Variants in E2F4 observed in about 807,000 individuals in gnomAD.
E2F4 encodes the protein E2F transcription factor 4, also known as transcription factor E2F4.
In E2F4, 16 loss-of-function variants were observed where a neutral mutation model predicts 44.5. The ratio of observed to expected loss-of-function variants is 0.36; its 90% confidence interval spans 0.24 to 0.55. The LOEUF is 0.55. Among genes scored for constraint, E2F4 ranks in the 20% least tolerant of loss-of-function variants. The probability of loss-of-function intolerance (pLI) is 0.87; values close to 1 mark genes in which losing one functional copy is unlikely to be tolerated. For missense variants in E2F4, 473 were observed against 522.1 expected, an observed-to-expected ratio of 0.91 and a Z score of 0.92; for synonymous variants, 242 against 207.2, an observed-to-expected ratio of 1.17 and a Z score of -1.44.
intron 7 of E2F4, among the ~76,000 whole-genome samples, chr16:67,196,732 C>T (rs1454866546): frequency 2.0e-5 from 3 of 152,326 alleles, no homozygotes; most frequent in East Asian, 1.9e-4. Flanking sequence ...CCTGCATGTC[C>T]TCAACTGAAC....
At chr16:67,193,570 G>A in intron 4 of E2F4, 55 bp downstream of exon 4, 2 of 1,581,608 alleles carry the variant, frequency 1.3e-6, no homozygotes, top group South Asian at 2.2e-5. Context: ...CCAAAGTCCT[G>A]AGCACTGGGC....
At chr16:67,195,646 G>A in intron 6 of E2F4, 136 bp from the exon 7 acceptor site, 1 of 1,501,192 alleles carries the variant, frequency 6.7e-7, no homozygotes, top group Non-Finnish European at 8.9e-7. Context: ...TTCCTCTGGG[G>A]GTGACTGGCA....
At position 67,195,764 on chromosome 16, in the gene E2F4, T is replaced by C; in HGVS notation, c.809-18T>C. 1.9e-6 allele frequency: 3 copies of C among 1,613,964 alleles called. No individual in the cohort carries two copies. The highest frequency in any genetic ancestry group is 2.5e-6 in the Non-Finnish European group (3 of 1,179,908). On this transcript the variant is annotated intron_variant, in intron 6 of 9. Transcript: ENST00000379378. ...CTTCCTGACCTTGTATGACTGGGTT[T>C]GGGGGCTATCATTGTAGTGAGTGGC...
chr16:67,198,383 G>C lies in E2F4; in HGVS notation c.*260G>C, dbSNP rs954084569. Reference sequence around the variant, plus strand: ...TTCTCCCTTTCTGCGGCCTTCGCCAGCCCAGGCTCGGCTGCCACCCAGTGG... The same window carrying C: ...TTCTCCCTTTCTGCGGCCTTCGCCACCCCAGGCTCGGCTGCCACCCAGTGG... On this transcript the variant is annotated 3_prime_UTR_variant, in exon 10 of 10. Coordinates refer to ENST00000379378, the MANE Select transcript of E2F4 (RefSeq NM_001950.4). 4.2e-6 allele frequency: 2 copies of C among 470,816 alleles called. No homozygotes were observed. Among genetic ancestry groups the C allele is most frequent in the African/African-American group, 3.9e-5 (2 of 51,024 alleles). 29.2% of individuals were successfully genotyped at this position (470,816 alleles called of 1,614,324 possible).
chr16:67,195,383 C>T (rs1474819698), intron 6 of E2F4, among the ~76,000 whole-genome samples: 4 of 152,170 alleles, frequency 2.6e-5, no homozygotes, highest in East Asian at 3.9e-4. Flanking sequence ...CTGCCTGCCT[C>T]GGCCTCCTGT....
At position 67,194,684 on chromosome 16, in the gene E2F4, A is replaced by G. The variant is rs1449597757; in HGVS notation, c.514-2A>G. 2 of 1,609,794 alleles carry G rather than the reference A, an allele frequency of 1.2e-6. No homozygotes were observed. The highest frequency in any genetic ancestry group is 1.3e-5 in the African/African-American group (1 of 74,840). The stretch of plus-strand genomic sequence containing the variant: ...CTCCCATCCCTTACCACCCATCTCT[A>G]GGGTCTCAATGGGCAGAAGAAGTAC... On this transcript the variant is annotated splice_acceptor_variant, in intron 5 of 9. Transcript: ENST00000379378. LOFTEE classifies it high-confidence loss of function.
chr16:67,193,112 C>A lies in E2F4; in HGVS notation c.349C>A (p.His117Asn). The A allele has an allele frequency of 6.4e-7, 1 of 1,574,406 alleles. No individual in the cohort carries two copies. The highest frequency in any genetic ancestry group is 8.6e-7 in the Non-Finnish European group (1 of 1,159,616). The change falls in exon 3 of 10, where the codon CAC (histidine) becomes AAC (asparagine). Residue 117 changes from histidine (H) to asparagine (N), a missense_variant. Physicochemically the swap from His to Asn is moderately conservative, Grantham distance 68. Transcript: ENST00000379378. ...LQQREQELDQ[H>N]KVWVQQSIRN... Reference sequence around the variant, plus strand: ...GCAGCGGGAGCAAGAACTAGACCAGCACAAGGTGTGGGTGCAGCAGAGCAT... The same window carrying A: ...GCAGCGGGAGCAAGAACTAGACCAGAACAAGGTGTGGGTGCAGCAGAGCAT...
In E2F4 at chr16:67,194,960, G is replaced by C; in HGVS notation, c.788G>C (p.Gly263Ala). 6.2e-7 allele frequency: 1 copy of C among 1,613,722 alleles called. No homozygotes were observed. ...AGTGCAGAAGTCCAGGGAATGGCTG[G>C]CCCAGCAGCTGAGATCACAGGTGAG... is the stretch of plus-strand genomic sequence containing the variant. ...PGSAEVQGMAGPAAEITVSGG... is the reference protein window; with the variant it reads ...PGSAEVQGMAAPAAEITVSGG... The change falls in exon 6 of 10, where the codon GGC (glycine) becomes GCC (alanine). Residue 263 changes from glycine to alanine, a missense_variant. Around this residue, in one of 3 missense-constraint regions of E2F4, gnomAD observed 314 missense variants for 315.6 expected, o/e 0.99. Transcript: ENST00000379378.
At chr16:67,195,011 C>T in intron 6 of E2F4, 31 bp downstream of exon 6, 2 of 1,598,480 alleles carry the variant, frequency 1.3e-6, no homozygotes, top group Non-Finnish European at 1.7e-6. Context: ...GTGACAGAGG[C>T]CCAAGAGGTA....
chr16:67,193,991 C>G (rs937213555), intron 4 of E2F4: 4 of 234,780 alleles, frequency 1.7e-5, no homozygotes, highest in Admixed American at 5.2e-5. Flanking sequence ...CTCAAGCTGT[C>G]TTCCCTCCTC....
Position 67,193,033 on chromosome 16 carries a change from C to T in E2F4, c.270C>T (p.Thr90=), listed in dbSNP as rs903112043. The change falls in exon 3 of 10, where the codon ACC becomes ACT. Residue 90 remains threonine (T), a synonymous_variant. Coordinates refer to ENST00000379378, the MANE Select transcript of E2F4 (RefSeq NM_001950.4). ...GGGGTGTGGGGCCTGGCTGCAATAC[C>T]CGGGAGATTGCTGACAAACTGATTG... ...QWKGVGPGCN[T]REIADKLIEL... The T allele has an allele frequency of 1.9e-6, 3 of 1,571,760 alleles. No individual in the cohort carries two copies. Among genetic ancestry groups the T allele is most frequent in the Non-Finnish European group, 2.6e-6 (3 of 1,157,610 alleles).
intron 4 of E2F4, 24 bp from the exon 5 acceptor site, chr16:67,194,374 G>T: frequency 6.2e-7 from 1 of 1,613,780 alleles, no homozygotes; most frequent in South Asian, 1.1e-5. Flanking sequence ...CATGGGCTCT[G>T]ACCCATTCTC....
In E2F4 at chr16:67,198,137, GC is replaced by G. The variant is rs2033003541; in HGVS notation, c.*17del. ...CTCAACCTCTGACTGACAGGGACAT[GC>G]CCTGTGTGGCTGGGACCCAGACTGT... On this transcript the variant is annotated 3_prime_UTR_variant, in exon 10 of 10. Coordinates refer to ENST00000379378, the MANE Select transcript of E2F4 (RefSeq NM_001950.4). 1 of 1,601,904 alleles carries G rather than the reference GC, an allele frequency of 6.2e-7. No homozygotes were observed.
Position 67,198,283 on chromosome 16 carries a change from T to A in E2F4, c.*160T>A. 1.6e-6 allele frequency: 1 copy of A among 640,516 alleles called. No individual in the cohort carries two copies. The highest frequency in any genetic ancestry group is 2.7e-5 in the East Asian group (1 of 37,234). The allele number at this position is 640,516 out of a possible 1,614,324, so 39.7% of individuals were successfully genotyped here. On this transcript the variant is annotated 3_prime_UTR_variant, in exon 10 of 10. Coordinates refer to ENST00000379378, the MANE Select transcript of E2F4 (RefSeq NM_001950.4). ...CAGTTCTGGCCACAGCTCCCGCTCC[T>A]GTGCTGGCACTTCTGTGCTCGCAGA... is the stretch of plus-strand genomic sequence containing the variant.
At position 67,192,990 on chromosome 16, in the gene E2F4, C is replaced by T; in HGVS notation, c.246-19C>T. 6.4e-7 allele frequency: 1 copy of T among 1,564,536 alleles called. No homozygotes were observed. The highest frequency in any genetic ancestry group is 1.2e-5 in the South Asian group (1 of 85,730). ...CAGAGTTCTCAGCAGTCCCTCTCAGCCCCACTCCCTGGGCTCAGGGGTGTG... is the reference window on the plus strand; with the variant it reads ...CAGAGTTCTCAGCAGTCCCTCTCAGTCCCACTCCCTGGGCTCAGGGGTGTG... On this transcript the variant is annotated intron_variant, in intron 2 of 9. Transcript: ENST00000379378.
In E2F4 at chr16:67,192,263, G is replaced by A; in HGVS notation, c.36G>A (p.Pro12=). The A allele has an allele frequency of 7.7e-7, 1 of 1,294,264 alleles. No individual in the cohort carries two copies. The allele number at this position is 1,294,264 out of a possible 1,614,324, so 80.2% of individuals were successfully genotyped here. A position where few individuals can be genotyped will look rare whatever the true frequency, so the allele number is the denominator to read the frequency against. Residue 12 remains proline (P), a synonymous_variant, in exon 1 of 10, where the codon CCG becomes CCA. Transcript: ENST00000379378. ...CCGGGCCACAGGCGCCGCCGCCCCC[G>A]GGCACTCCAAGCCGGCACGAAAAGA... is the stretch of plus-strand genomic sequence containing the variant. ...AEAGPQAPPP[P]GTPSRHEKSL...
At position 67,192,838 on chromosome 16, in the gene E2F4, C is replaced by T. The variant is rs367905434; in HGVS notation, c.213C>T (p.Ile71=). The change falls in exon 2 of 10, where the codon ATC becomes ATT. Residue 71 remains isoleucine (I), a synonymous_variant. Coordinates refer to ENST00000379378, the MANE Select transcript of E2F4 (RefSeq NM_001950.4). The part of the protein sequence containing the change: ...ITNVLEGIGL[I]EKKSKNSIQW... ...ATGTTTTGGAAGGTATCGGGCTAAT[C>T]GAGAAAAAGTCCAAGAACAGCATCC... 15 of 1,612,422 alleles carry T rather than the reference C, an allele frequency of 9.3e-6. No homozygotes were observed. In the Admixed American group the frequency reaches 2.0e-4, roughly 22 times the overall value.
In E2F4 at chr16:67,195,767, G is replaced by C; in HGVS notation, c.809-15G>C. ...CCTGACCTTGTATGACTGGGTTTGGGGGCTATCATTGTAGTGAGTGGCGGC... is the reference window on the plus strand; with the variant it reads ...CCTGACCTTGTATGACTGGGTTTGGCGGCTATCATTGTAGTGAGTGGCGGC... On this transcript the variant is annotated splice_polypyrimidine_tract_variant and intron_variant, in intron 6 of 9. Coordinates refer to ENST00000379378, the MANE Select transcript of E2F4 (RefSeq NM_001950.4). 6.2e-7 allele frequency: 1 copy of C among 1,613,896 alleles called. No homozygotes were observed. Among genetic ancestry groups the C allele is most frequent in the Non-Finnish European group, 8.5e-7 (1 of 1,179,914 alleles).
Position 67,192,265 on chromosome 16 carries a change from G to C in E2F4, c.38G>C (p.Gly13Ala). The part of the protein sequence containing the change: ...EAGPQAPPPP[G>A]TPSRHEKSLG... ...GGGCCACAGGCGCCGCCGCCCCCGG[G>C]CACTCCAAGCCGGCACGAAAAGAGC... Residue 13 changes from glycine to alanine, a missense_variant, in exon 1 of 10, where the codon GGC becomes GCC. By Grantham distance (60) the Gly-to-Ala change is moderately conservative. Transcript: ENST00000379378. The C allele has an allele frequency of 2.3e-6, 3 of 1,298,064 alleles. No individual in the cohort carries two copies. The highest frequency in any genetic ancestry group is 2.9e-6 in the Non-Finnish European group (3 of 1,018,770). 80.4% of individuals were successfully genotyped at this position (1,298,064 alleles called of 1,614,324 possible).
Sources: gnomAD v4.1 joint callset for allele counts (sites outside exome capture counted in the v4.1 genomes callset) on GRCh38, gnomAD v4.1.1 for gene constraint, gnomAD v4.1.1 regional missense constraint, MANE v1.5 for transcripts, NCBI Gene and HGNC (gene_info 2026-07-23, HGNC 2026-07-21) for gene names.